Variants in DDX10 observed in about 807,000 individuals in gnomAD.
DDX10 encodes the protein DEAD-box helicase 10, also known as probable ATP-dependent RNA helicase DDX10.
DDX10 carries 74 observed loss-of-function variants against 104.3 expected under a neutral mutation model. That is an observed-to-expected ratio of 0.71 (90% confidence interval 0.59 to 0.86). DDX10 has a LOEUF of 0.86. Among genes scored for constraint, DDX10 ranks in the 40% least tolerant of loss-of-function variants. The pLI, the probability that DDX10 is intolerant of heterozygous loss-of-function variation, is 0.00. For missense variants in DDX10, 952 were observed against 1,040.0 expected, an observed-to-expected ratio of 0.92 and a Z score of 1.16; for synonymous variants, 351 against 353.4, an observed-to-expected ratio of 0.99 and a Z score of 0.08.
intron 13 of DDX10, among the ~76,000 whole-genome samples, chr11:108,800,483 C>CCT (rs1862006123): frequency 6.8e-6 from 1 of 148,060 alleles, no homozygotes; most frequent in Non-Finnish European, 1.5e-5. Flanking sequence ...ACATATACTG[C>CCT]CTTGTTCTCC....
intron 16 of DDX10, among the ~76,000 whole-genome samples, chr11:108,869,437 G>C (rs1240469424): frequency 6.6e-6 from 1 of 152,068 alleles, no homozygotes; most frequent in Non-Finnish European, 1.5e-5. Flanking sequence ...CATGTCAGCA[G>C]GTCTTTTGTC....
At chr11:108,687,456 C>T (rs2094245959) in intron 6 of DDX10, among the ~76,000 whole-genome samples, 1 of 152,240 alleles carries the variant, frequency 6.6e-6, no homozygotes, top group South Asian at 2.1e-4. Context: ...ACTATAGGCA[C>T]ATGCCACCAT....
chr11:108,695,190 T>G (rs1428273997), intron 9 of DDX10, among the ~76,000 whole-genome samples: 1 of 152,236 alleles, frequency 6.6e-6, no homozygotes, highest in Non-Finnish European at 1.5e-5. Context: ...TACATTTGTC[T>G]TGCTGATGTT....
chr11:108,836,589 C>T (rs759019039), intron 13 of DDX10, among the ~76,000 whole-genome samples: 11 of 152,130 alleles, frequency 7.2e-5, no homozygotes, highest in South Asian at 4.1e-4. Context: ...CAGGTTTAAG[C>T]GATTGTCATG....
At chr11:108,665,640 A>G (rs921961497) in intron 1 of DDX10, among the ~76,000 whole-genome samples, 4 of 152,134 alleles carry the variant, frequency 2.6e-5, no homozygotes, top group African/African-American at 9.7e-5. Context: ...TAATAATGAC[A>G]CCTACATTTT....
chr11:108,744,836 G>A (rs1485239316), intron 13 of DDX10, among the ~76,000 whole-genome samples: 1 of 152,094 alleles, frequency 6.6e-6, no homozygotes, highest in Non-Finnish European at 1.5e-5. Flanking sequence ...TTGAACTTTG[G>A]GGCTAGAATC....
At chr11:108,719,031 G>A (rs1275511301) in intron 11 of DDX10, among the ~76,000 whole-genome samples, 2 of 150,006 alleles carry the variant, frequency 1.3e-5, no homozygotes, top group African/African-American at 4.9e-5. Context: ...TTTGTTATCT[G>A]TGTATTTGAC....
At chr11:108,714,951 C>G (rs149295168) in intron 10 of DDX10, among the ~76,000 whole-genome samples, 48 of 151,802 alleles carry the variant, frequency 3.2e-4, no homozygotes, top group African/African-American at 1.1e-3. Context: ...TAAAAACAAT[C>G]TCACCTACCA....
At chr11:108,787,135 T>C (rs148710843) in intron 13 of DDX10, among the ~76,000 whole-genome samples, 1 of 152,210 alleles carries the variant, frequency 6.6e-6, no homozygotes, top group Non-Finnish European at 1.5e-5. Flanking sequence ...TTCTTGGCTG[T>C]AATTTATTTT....
intron 13 of DDX10, among the ~76,000 whole-genome samples, chr11:108,778,790 A>G (rs1021231558): frequency 1.3e-5 from 2 of 152,204 alleles, no homozygotes; most frequent in African/African-American, 4.8e-5. Context: ...TTTACAATCT[A>G]CCCATCTGAC....
intron 1 of DDX10, among the ~76,000 whole-genome samples, chr11:108,665,766 A>T (rs2094209313): frequency 6.6e-6 from 1 of 152,162 alleles, no homozygotes; most frequent in African/African-American, 2.4e-5. Context: ...AACTTGTCCG[A>T]ATCTTTCACG....
In DDX10 at chr11:108,678,303, A is replaced by C. The variant is rs1398330770; in HGVS notation, c.538-12A>C. The C allele has an allele frequency of 1.0e-5, 16 of 1,606,304 alleles. No homozygotes were observed. Among genetic ancestry groups the C allele is most frequent in the Non-Finnish European group, 1.3e-5 (15 of 1,177,544 alleles). Reference sequence around the variant, plus strand: ...ATGTGTCTGTGTAATCAAAATAAATAACTGTTTTCAGGATCTAAAACACGA... The same window carrying C: ...ATGTGTCTGTGTAATCAAAATAAATCACTGTTTTCAGGATCTAAAACACGA... On this transcript the variant is annotated splice_polypyrimidine_tract_variant and intron_variant, in intron 4 of 17. Coordinates refer to ENST00000322536, the MANE Select transcript of DDX10 (RefSeq NM_004398.4).
rs1861724726 is a variant in DDX10 at position 108,782,812 on chromosome 11, A to G, written c.1966-55634A>G. Among the ~76,000 whole-genome samples, 3 of 152,176 alleles carry G rather than the reference A, an allele frequency of 2.0e-5. No individual in the cohort carries two copies. In the South Asian group the frequency reaches 6.2e-4, roughly 32 times the overall value. Reference sequence around the variant, plus strand: ...GAGTATACATAGAATCCAATAAGAAAGAAGGGTAGGAGGAAAGTCAGAGAG... The same window carrying G: ...GAGTATACATAGAATCCAATAAGAAGGAAGGGTAGGAGGAAAGTCAGAGAG... On this transcript the variant is annotated intron_variant, in intron 13 of 17. Coordinates refer to ENST00000322536, the MANE Select transcript of DDX10 (RefSeq NM_004398.4).
At chr11:108,828,709 C>CT (rs1233385372) in intron 13 of DDX10, among the ~76,000 whole-genome samples, 2 of 152,248 alleles carry the variant, frequency 1.3e-5, no homozygotes, top group Admixed American at 6.5e-5. Context: ...ACTGCAACCT[C>CT]TGCCTCTGGG....
intron 16 of DDX10, among the ~76,000 whole-genome samples, chr11:108,857,770 C>T (rs1303842186): frequency 2.0e-5 from 3 of 152,194 alleles, no homozygotes; most frequent in Admixed American, 1.3e-4. Context: ...GACGCTGAAG[C>T]GTTGACTCTT....
chr11:108,677,190 C>T lies in DDX10; in HGVS notation c.484C>T (p.Arg162Ter), dbSNP rs773054187. 11 of 1,613,672 alleles carry T rather than the reference C, an allele frequency of 6.8e-6. No individual in the cohort carries two copies. Among genetic ancestry groups the T allele is most frequent in the Admixed American group, 1.7e-5 (1 of 59,980 alleles). Residue 162 changes from arginine (R) to a stop codon, truncating the protein, a stop_gained, in exon 4 of 18, where the codon CGA becomes TGA. Transcript: ENST00000322536. LOFTEE classifies it high-confidence loss of function. ...GGCCTATCAGACCTTTGAGGTTCTC[C>T]GAAAAGTAGGAAAGAATCATGACTT... ...ELAYQTFEVL[R>*]KVGKNHDFSA...
At chr11:108,690,437 A>T (rs1038077385) in intron 7 of DDX10, 9 of 153,108 alleles carry the variant, frequency 5.9e-5, no homozygotes, top group African/African-American at 2.2e-4. Flanking sequence ...TGAGGTGGGG[A>T]TAAGTCTCAC....
chr11:108,735,468 A>G (rs2094317238), intron 13 of DDX10, among the ~76,000 whole-genome samples: 1 of 152,100 alleles, frequency 6.6e-6, no homozygotes, highest in African/African-American at 2.4e-5. Context: ...GGCATGCTGC[A>G]ATTTCAGATA....
intron 17 of DDX10, among the ~76,000 whole-genome samples, chr11:108,933,946 GCTGC>G (rs767531041): frequency 5.6e-4 from 85 of 152,328 alleles, no homozygotes; most frequent in Non-Finnish European, 1.1e-3. Flanking sequence ...AGGCAGTGTG[GCTGC>G]ACAGAACAAG....
Sources: gnomAD v4.1 joint callset for allele counts (sites outside exome capture counted in the v4.1 genomes callset) on GRCh38, gnomAD v4.1.1 for gene constraint, MANE v1.5 for transcripts, NCBI Gene and HGNC (gene_info 2026-07-23, HGNC 2026-07-21) for gene names.